The following SNED1 variants were observed in gnomAD, a reference collection of about 807,000 sequenced individuals.
The protein encoded by SNED1 is sushi, nidogen and EGF-like domain-containing protein 1.
Under a neutral mutation model 166.7 loss-of-function variants are expected in SNED1, and 81 were observed. The ratio of observed to expected loss-of-function variants is 0.49; its 90% CI spans 0.41 to 0.58. The LOEUF is 0.58. SNED1 is among the 20% of genes least tolerant of loss of function. The pLI, the probability that SNED1 is intolerant of heterozygous loss-of-function variation, is 0.00. For synonymous variants in SNED1, 762 were observed against 822.0 expected, an observed-to-expected ratio of 0.93 and a Z score of 1.25; for missense variants, 1,604 against 2,000.2, an observed-to-expected ratio of 0.80 and a Z score of 3.78.
intron 26 of SNED1, 92 bp downstream of exon 26, chr2:241,071,970 A>G (rs1422637860): frequency 1.9e-6 from 2 of 1,071,954 alleles, no homozygotes; most frequent in Non-Finnish European, 2.8e-6. Context: ...TGATGAGCCC[A>G]CCCCCACCGC....
intron 1 of SNED1, among the ~76,000 whole-genome samples, chr2:241,019,766 G>T (rs1362128969): frequency 6.6e-6 from 1 of 152,192 alleles, no homozygotes; most frequent in Admixed American, 6.5e-5. Context: ...GGATTTGTTT[G>T]CAACACCAGC....
At chr2:241,028,877 C>G (rs1390511877) in intron 1 of SNED1, among the ~76,000 whole-genome samples, 1 of 152,094 alleles carries the variant, frequency 6.6e-6, no homozygotes, top group African/African-American at 2.4e-5. Context: ...TTGGTGGTAT[C>G]ATGCTTCCTT....
intron 27 of SNED1, among the ~76,000 whole-genome samples, chr2:241,078,338 G>A (rs572170335): frequency 8.7e-5 from 13 of 148,748 alleles, no homozygotes; most frequent in Admixed American, 4.7e-4. Flanking sequence ...AGGTGAGATC[G>A]CGCCACTGCA....
At chr2:241,034,000 A>G (rs2061266515) in intron 3 of SNED1, 125 bp downstream of exon 3, 4 of 1,177,138 alleles carry the variant, frequency 3.4e-6, no homozygotes, top group South Asian at 3.3e-5. Flanking sequence ...GCAGAGGCCA[A>G]CGAGAGACAT....
At chr2:241,046,229 T>C (rs1057458703) in intron 8 of SNED1, among the ~76,000 whole-genome samples, 1 of 152,210 alleles carries the variant, frequency 6.6e-6, no homozygotes, top group Admixed American at 6.5e-5. Context: ...GTTCAGCCAC[T>C]CTAAAAACAG....
intron 30 of SNED1, 42 bp downstream of exon 30, chr2:241,087,517 C>A (rs2063643171): frequency 6.4e-7 from 1 of 1,567,754 alleles, no homozygotes; most frequent in South Asian, 1.2e-5. Context: ...CTGCATGTAG[C>A]CCACAGGGTG....
intron 1 of SNED1, among the ~76,000 whole-genome samples, chr2:241,003,152 G>A (rs945768558): frequency 4.4e-5 from 1 of 22,474 alleles, no homozygotes; most frequent in Non-Finnish European, 8.7e-5. Context: ...CACTCCCCCA[G>A]CCCCACCCTC....
intron 1 of SNED1, chr2:241,015,727 T>A (rs1383786995): frequency 1.2e-5 from 2 of 172,438 alleles, no homozygotes; most frequent in Non-Finnish European, 2.4e-5. Flanking sequence ...AGGCCTCCAA[T>A]GAATCGTCTC....
intron 1 of SNED1, among the ~76,000 whole-genome samples, chr2:241,002,342 C>T (rs1315942651): frequency 6.6e-6 from 1 of 152,198 alleles, no homozygotes; most frequent in Non-Finnish European, 1.5e-5. Flanking sequence ...TCTCTGCTCT[C>T]TTCTGAGCTC....
At chr2:241,035,341 G>A (rs989527329) in intron 4 of SNED1, among the ~76,000 whole-genome samples, 7 of 152,196 alleles carry the variant, frequency 4.6e-5, no homozygotes, top group African/African-American at 9.7e-5. Context: ...GTGCACAAAC[G>A]GACGGGGTGG....
chr2:241,033,955 CAG>C, intron 3 of SNED1, 80 bp downstream of exon 3: 1 of 1,485,996 alleles, frequency 6.7e-7, no homozygotes. Flanking sequence ...ATGAGGTAGG[CAG>C]GGGCTCACCA....
intron 30 of SNED1, chr2:241,087,691 TGGGTGCTGGGGG>T: frequency 7.3e-7 from 1 of 1,370,850 alleles, no homozygotes; most frequent in African/African-American, 1.5e-5. Context: ...CCGGGCATGC[TGGGTGCTGGGGG>T]GGGTCACTCT....
At chr2:241,052,241 G>T in intron 14 of SNED1, 84 bp downstream of exon 14, 1 of 1,471,774 alleles carries the variant, frequency 6.8e-7, no homozygotes, top group South Asian at 1.1e-5. Context: ...GGCAGGGCTG[G>T]TCCAGGCCCT....
Position 241,036,554 on chromosome 2 carries a change from C to T in SNED1, c.806-236C>T, listed in dbSNP as rs573371587. 5.3e-5 allele frequency among the ~76,000 whole-genome samples: 8 copies of T among 152,174 alleles called. No individual in the cohort carries two copies. The East Asian group carries it at 7.7e-4, about 15-fold the overall frequency. On this transcript the variant is annotated intron_variant, in intron 4 of 31. Coordinates refer to ENST00000310397, the MANE Select transcript of SNED1 (RefSeq NM_001080437.3). ...CTGGTGTGAGTCGCTTCAGGGAGTC[C>T]GCCCCACACGAAGCCACCTCCCCAG...
intron 29 of SNED1, among the ~76,000 whole-genome samples, chr2:241,083,728 T>G (rs2063443188): frequency 6.6e-6 from 1 of 152,208 alleles, no homozygotes; most frequent in Non-Finnish European, 1.5e-5. Context: ...CCTGAAAGCA[T>G]TCTATCCTTT....
chr2:240,999,594 C>T lies in SNED1; in HGVS notation c.213+544C>T, dbSNP rs1445534630. ...TCGCTGACCCTCCTAGGCGGGCTAG[C>T]AACAGGCTTGCCCCTCCCTGCCGTC... On this transcript the variant is annotated intron_variant, in intron 1 of 31. Coordinates refer to ENST00000310397, the MANE Select transcript of SNED1 (RefSeq NM_001080437.3). This position sits in a 1 kb window ranked among gnomAD's most constrained non-coding sequence, Gnocchi z 5.8. Among the ~76,000 whole-genome samples, 1 of 152,216 alleles carries T rather than the reference C, an allele frequency of 6.6e-6. No individual in the cohort carries two copies. Among genetic ancestry groups the T allele is most frequent in the Admixed American group, 6.5e-5 (1 of 15,288 alleles).
At chr2:241,039,816 C>T (rs1021467353) in intron 6 of SNED1, among the ~76,000 whole-genome samples, 2 of 152,126 alleles carry the variant, frequency 1.3e-5, no homozygotes, top group African/African-American at 4.8e-5. Flanking sequence ...CCCATTTGCC[C>T]CTGCCCAGCA....
intron 12 of SNED1, 123 bp downstream of exon 12, chr2:241,050,056 G>A (rs1200144971): frequency 1.3e-6 from 1 of 753,388 alleles, no homozygotes; most frequent in South Asian, 1.5e-5. Flanking sequence ...CTAGAGCCTT[G>A]CCTGATGTGC....
chr2:241,056,850 G>A (rs2062062379), intron 16 of SNED1, among the ~76,000 whole-genome samples: 2 of 151,938 alleles, frequency 1.3e-5, no homozygotes, highest in African/African-American at 4.8e-5. Flanking sequence ...CACAGTGCTG[G>A]GATTACAGGC....
Sources: allele counts gnomAD v4.1 joint callset (sites outside exome capture counted in the v4.1 genomes callset), GRCh38; gene constraint gnomAD v4.1.1; non-coding constraint Gnocchi (gnomAD v3.1); transcripts MANE v1.5; gene names NCBI Gene and HGNC (gene_info 2026-07-23, HGNC 2026-07-21).